The following PCSK6 variants were observed in gnomAD, a reference collection of about 807,000 sequenced individuals.
The protein encoded by PCSK6 is paired basic amino acid cleaving enzyme 4.
In PCSK6, 85 loss-of-function variants were observed where a neutral mutation model predicts 123.3. The ratio of observed to expected loss-of-function variants is 0.69; its 90% CI spans 0.58 to 0.83. The LOEUF (loss-of-function observed/expected upper bound fraction) is 0.83. Among genes scored for constraint, PCSK6 ranks in the 40% least tolerant of loss-of-function variants. PCSK6 has a pLI of 0.00. For missense variants in PCSK6, 1,191 were observed against 1,282.3 expected, an observed-to-expected ratio of 0.93 and a Z score of 1.09; for synonymous variants, 508 against 516.0, an observed-to-expected ratio of 0.98 and a Z score of 0.21.
chr15:101,314,691 T>C (rs2039947502), intron 19 of PCSK6, among the ~76,000 whole-genome samples: 1 of 152,122 alleles, frequency 6.6e-6, no homozygotes, highest in Non-Finnish European at 1.5e-5. Flanking sequence ...AAGCTCCTCC[T>C]TGGAGAGTCA....
chr15:101,367,070 C>T (rs1253645915), intron 12 of PCSK6, among the ~76,000 whole-genome samples: 2 of 152,118 alleles, frequency 1.3e-5, no homozygotes, highest in Admixed American at 6.5e-5. Context: ...AGCTCCCCCA[C>T]CCCCAGCAGT....
rs545521465 is a variant in PCSK6 at position 101,463,986 on chromosome 15, T to C, written c.298-20326A>G. On this transcript the variant is annotated intron_variant, in intron 1 of 21. Coordinates refer to ENST00000611716, the MANE Select transcript of PCSK6 (RefSeq NM_002570.5). ...GATTCCTGAGTCAAAGAGTCATTGA[T>C]GCTCAACGGCTCCAGGTCTCTTACA... is the stretch of plus-strand genomic sequence containing the variant. Among the ~76,000 whole-genome samples the C allele has an allele frequency of 1.2e-3, 178 of 152,290 alleles. 3 individuals carry two copies. The highest frequency in any genetic ancestry group is 4.6e-4 in the Non-Finnish European group (31 of 68,028).
At chr15:101,353,722 G>A (rs2040961371) in intron 13 of PCSK6, among the ~76,000 whole-genome samples, 1 of 152,234 alleles carries the variant, frequency 6.6e-6, no homozygotes, top group African/African-American at 2.4e-5. Flanking sequence ...CAGGGCTAAA[G>A]AGATCAGATC....
intron 4 of PCSK6, among the ~76,000 whole-genome samples, chr15:101,431,060 T>C (rs2056430792): frequency 6.6e-6 from 1 of 152,208 alleles, no homozygotes; most frequent in South Asian, 2.1e-4. Flanking sequence ...TCCATGCATT[T>C]CTTAGTTCTT....
chr15:101,334,516 G>A (rs1218961586), intron 13 of PCSK6: 2 of 152,238 alleles, frequency 1.3e-5, no homozygotes, highest in Non-Finnish European at 2.9e-5. Context: ...CAAGCCTGGT[G>A]AGGAACCTCT....
chr15:101,340,832 C>A (rs907923896), intron 13 of PCSK6, among the ~76,000 whole-genome samples: 10 of 152,034 alleles, frequency 6.6e-5, no homozygotes, highest in Non-Finnish European at 1.5e-5. Context: ...CTTTCCCCCA[C>A]CACCCTTTCA....
chr15:101,306,788 G>A (rs74041987), intron 21 of PCSK6, among the ~76,000 whole-genome samples: 4,662 of 152,310 alleles, frequency 0.031, 198 homozygotes, highest in African/African-American at 0.087. Flanking sequence ...GCTGCTGAGC[G>A]TGTGCTCTAC....
chr15:101,489,313 C>T (rs2058104196), intron 1 of PCSK6, 61 bp downstream of exon 1: 2 of 1,030,576 alleles, frequency 1.9e-6, no homozygotes, highest in African/African-American at 3.5e-5. Flanking sequence ...GGAGGCGCCC[C>T]CCTCGCGCGC....
chr15:101,328,890 C>T (rs1272260061), intron 15 of PCSK6, among the ~76,000 whole-genome samples: 1 of 152,236 alleles, frequency 6.6e-6, no homozygotes, highest in Non-Finnish European at 1.5e-5. Context: ...TAAATTAAAT[C>T]CACCTTGCTG....
At chr15:101,327,157 C>T (rs2040274219) in intron 15 of PCSK6, among the ~76,000 whole-genome samples, 1 of 152,144 alleles carries the variant, frequency 6.6e-6, no homozygotes, top group African/African-American at 2.4e-5. Context: ...TTAGGCTTTC[C>T]TTGGAGCCCT....
chr15:101,445,772 T>C (rs1313405387), intron 1 of PCSK6, among the ~76,000 whole-genome samples: 2 of 152,238 alleles, frequency 1.3e-5, no homozygotes, highest in Admixed American at 6.5e-5. Context: ...GTCAGGGACA[T>C]GGAGGAACGA....
At chr15:101,479,035 C>T (rs1332816489) in intron 1 of PCSK6, among the ~76,000 whole-genome samples, 1 of 152,198 alleles carries the variant, frequency 6.6e-6, no homozygotes, top group Non-Finnish European at 1.5e-5. Context: ...CCAGGAACTG[C>T]ACTAGGGCCT....
At chr15:101,327,096 G>C (rs766131492) in intron 15 of PCSK6, among the ~76,000 whole-genome samples, 1 of 152,184 alleles carries the variant, frequency 6.6e-6, no homozygotes, top group Non-Finnish European at 1.5e-5. Context: ...CTAGGGTTGG[G>C]GGGCTGCTGT....
At chr15:101,379,904 G>A (rs2041865349) in intron 11 of PCSK6, among the ~76,000 whole-genome samples, 3 of 152,206 alleles carry the variant, frequency 2.0e-5, no homozygotes, top group South Asian at 2.1e-4. Context: ...ACAGGTGGAC[G>A]TGAGGCATGG....
chr15:101,361,766 GGA>G (rs991686894), intron 13 of PCSK6, among the ~76,000 whole-genome samples: 2 of 152,150 alleles, frequency 1.3e-5, no homozygotes, highest in African/African-American at 4.8e-5. Context: ...GATGCTGGGT[GGA>G]GAGTGGCTCT....
At chr15:101,456,624 C>T (rs1220844218) in intron 1 of PCSK6, among the ~76,000 whole-genome samples, 1 of 152,174 alleles carries the variant, frequency 6.6e-6, no homozygotes, top group Non-Finnish European at 1.5e-5. Flanking sequence ...GCTTTGCCTA[C>T]CGGGCTCTCA....
At chr15:101,327,989 G>T (rs1384564) in intron 15 of PCSK6, among the ~76,000 whole-genome samples, 6 of 152,108 alleles carry the variant, frequency 3.9e-5, no homozygotes, top group Non-Finnish European at 8.8e-5. Flanking sequence ...AGCTCCAGAG[G>T]GTTTACTATA....
intron 1 of PCSK6, among the ~76,000 whole-genome samples, chr15:101,450,987 C>T (rs576498022): frequency 6.6e-6 from 1 of 151,544 alleles, no homozygotes; most frequent in East Asian, 2.0e-4. Context: ...CAGGTGTGGA[C>T]AAGCAGAAGC....
chr15:101,361,042 T>C (rs1422760332), intron 13 of PCSK6, among the ~76,000 whole-genome samples: 5 of 152,206 alleles, frequency 3.3e-5, no homozygotes, highest in African/African-American at 4.8e-5. Context: ...AAGTATCTGT[T>C]GAGTGAAGGC....
Sources: allele counts gnomAD v4.1 joint callset (sites outside exome capture counted in the v4.1 genomes callset), GRCh38; gene constraint gnomAD v4.1.1; transcripts MANE v1.5; gene names NCBI Gene and HGNC (gene_info 2026-07-23, HGNC 2026-07-21).